The following SORCS3 variants were observed in gnomAD, a reference collection of about 807,000 sequenced individuals.
SORCS3 encodes sortilin related VPS10 domain containing receptor 3, also known as VPS10 domain-containing receptor SorCS3.
A neutral mutation model predicts 146.3 loss-of-function variants in SORCS3; 57 were observed. The ratio of observed to expected loss-of-function variants is 0.39; its 90% CI spans 0.31 to 0.49. The LOEUF (loss-of-function observed/expected upper bound fraction) is 0.49, where lower values mean the gene tolerates loss of function less well. SORCS3 is among the 20% of genes least tolerant of loss of function. The pLI, the probability that SORCS3 is intolerant of heterozygous loss-of-function variation, is 0.92. For missense variants in SORCS3, 1,341 were observed against 1,575.5 expected, an observed-to-expected ratio of 0.85 and a Z score of 2.52; for synonymous variants, 653 against 618.5, an observed-to-expected ratio of 1.06 and a Z score of -0.83.
intron 6 of SORCS3, among the ~76,000 whole-genome samples, chr10:105,094,883 T>A (rs897976958): frequency 6.6e-6 from 1 of 152,166 alleles, no homozygotes; most frequent in African/African-American, 2.4e-5. Flanking sequence ...TGGAAAAGAA[T>A]GAATGGAGAT....
In SORCS3 at chr10:105,145,568, G is replaced by T. The variant is rs79116763; in HGVS notation, c.1303-2049G>T. On this transcript the variant is annotated intron_variant, in intron 8 of 26. Coordinates refer to ENST00000369701, the MANE Select transcript of SORCS3 (RefSeq NM_014978.3). ...CATCTGGGAAAAACCAGGCATTTCTGTTGCATTTTAACAGGGTAAGTGAAT... is the reference window on the plus strand; with the variant it reads ...CATCTGGGAAAAACCAGGCATTTCTTTTGCATTTTAACAGGGTAAGTGAAT... Among the ~76,000 whole-genome samples, 29 of 152,192 alleles carry T rather than the reference G, an allele frequency of 1.9e-4. 1 individual carries two copies. The East Asian group carries it at 5.4e-3, about 28-fold the overall frequency.
At chr10:104,735,454 C>CTGTTTTTTTTTTTT in intron 1 of SORCS3, among the ~76,000 whole-genome samples, 1 of 14,872 alleles carries the variant, frequency 6.7e-5, no homozygotes, top group Admixed American at 5.8e-4. Flanking sequence ...CTCTCACCGT[C>CTGTTTTTTTTTTTT]TGTTTTTTTT....
chr10:105,095,106 C>T (rs1457071744), intron 6 of SORCS3, among the ~76,000 whole-genome samples: 2 of 152,112 alleles, frequency 1.3e-5, no homozygotes, highest in African/African-American at 4.8e-5. Context: ...GTTCTACCTG[C>T]CTCTTTTATC....
chr10:105,151,743 G>T (rs1277683656), intron 9 of SORCS3, among the ~76,000 whole-genome samples: 1 of 152,158 alleles, frequency 6.6e-6, no homozygotes, highest in Admixed American at 6.6e-5. Context: ...ACAAGGCTGA[G>T]ATAATTTCCA....
intron 5 of SORCS3, among the ~76,000 whole-genome samples, chr10:105,059,089 A>C (rs7094329): frequency 6.6e-6 from 1 of 152,150 alleles, no homozygotes; most frequent in Non-Finnish European, 1.5e-5. Flanking sequence ...GCCTTTGTAC[A>C]CTAGATTTTG....
At position 105,177,150 on chromosome 10, in the gene SORCS3, T is replaced by C. The variant is rs530828183; in HGVS notation, c.1902-916T>C. ...AAGGAGTCAGTAGTCAGCACTATGA[T>C]AGGAGAAGGCCTGGGTATTATAGGA... On this transcript the variant is annotated intron_variant, in intron 13 of 26. Transcript: ENST00000369701. 2.0e-5 allele frequency among the ~76,000 whole-genome samples: 3 copies of C among 152,226 alleles called. No individual in the cohort carries two copies. The East Asian group carries it at 5.8e-4, about 30-fold the overall frequency.
intron 1 of SORCS3, among the ~76,000 whole-genome samples, chr10:104,686,646 C>G (rs187458342): frequency 6.6e-6 from 1 of 152,198 alleles, no homozygotes; most frequent in Admixed American, 6.5e-5. Flanking sequence ...CTCCTTTGTT[C>G]TTTCTCCTTA....
rs2015983109 is a variant in SORCS3, at chr10:104,681,997, C to T, written c.627+40043C>T. Among the ~76,000 whole-genome samples the T allele has an allele frequency of 4.6e-5, 7 of 152,082 alleles. No individual in the cohort carries two copies. The South Asian group carries it at 1.5e-3, about 32-fold the overall frequency. The stretch of plus-strand genomic sequence containing the variant: ...AATGATTTATCTATTGATTGCCTGT[C>T]CTCTGGTGGGAATGCAGTCTCCATG... On this transcript the variant is annotated intron_variant, in intron 1 of 26. Transcript: ENST00000369701.
rs140031808 is a variant in SORCS3 at position 105,083,459 on chromosome 10, A to C, written c.1029-6316A>C. Among the ~76,000 whole-genome samples, 605 of 152,266 alleles carry C rather than the reference A, an allele frequency of 4.0e-3. 4 individuals carry two copies. The highest frequency in any genetic ancestry group is 0.024 in the Middle Eastern group (7 of 294). On this transcript the variant is annotated intron_variant, in intron 5 of 26. Transcript: ENST00000369701. Reference sequence around the variant, plus strand: ...GGATGCTTGAGAGGGAAGAGGTGCCAGGGGCAATTATTAACCTGCTTGGCA... The same window carrying C: ...GGATGCTTGAGAGGGAAGAGGTGCCCGGGGCAATTATTAACCTGCTTGGCA...
intron 14 of SORCS3, among the ~76,000 whole-genome samples, chr10:105,191,961 T>G (rs2056519740): frequency 6.6e-6 from 1 of 152,204 alleles, no homozygotes; most frequent in Admixed American, 6.5e-5. Flanking sequence ...TTCAAAGAGC[T>G]GATTATCATT....
chr10:104,876,756 T>C (rs1181541852), intron 2 of SORCS3, among the ~76,000 whole-genome samples: 13 of 139,668 alleles, frequency 9.3e-5, no homozygotes, highest in East Asian at 4.5e-4. Context: ...CCTTTCTTTC[T>C]TTCTCTTCCT....
intron 4 of SORCS3, among the ~76,000 whole-genome samples, chr10:105,002,857 G>A (rs927979627): frequency 3.3e-5 from 5 of 152,172 alleles, no homozygotes; most frequent in Non-Finnish European, 5.9e-5. Flanking sequence ...CTACAAAATA[G>A]GGAGCACAAT....
intron 20 of SORCS3, among the ~76,000 whole-genome samples, chr10:105,226,362 G>A (rs998347435): frequency 6.6e-6 from 1 of 151,848 alleles, no homozygotes; most frequent in African/African-American, 2.4e-5. Flanking sequence ...CACATTTATT[G>A]GCTTGTGTAT....
chr10:104,935,060 T>C (rs2019246865), intron 3 of SORCS3, among the ~76,000 whole-genome samples: 1 of 152,152 alleles, frequency 6.6e-6, no homozygotes, highest in South Asian at 2.1e-4. Flanking sequence ...TAGTAAATAA[T>C]AGCCCATGAC....
At chr10:104,768,024 G>C (rs1169849690) in intron 1 of SORCS3, among the ~76,000 whole-genome samples, 1 of 152,158 alleles carries the variant, frequency 6.6e-6, no homozygotes, top group East Asian at 1.9e-4. Context: ...ATTGGCACTT[G>C]AGTCAAATGT....
chr10:105,083,870 G>A (rs2055641289), intron 5 of SORCS3, among the ~76,000 whole-genome samples: 1 of 152,182 alleles, frequency 6.6e-6, no homozygotes, highest in Non-Finnish European at 1.5e-5. Flanking sequence ...GGGAGGCAAT[G>A]AGGCATGATG....
intron 2 of SORCS3, among the ~76,000 whole-genome samples, chr10:104,879,662 G>A (rs1486504405): frequency 6.6e-6 from 1 of 152,192 alleles, no homozygotes; most frequent in African/African-American, 2.4e-5. Context: ...GTGCAAGCCA[G>A]ACAAAGATGC....
At chr10:104,724,864 G>A (rs1427261146) in intron 1 of SORCS3, among the ~76,000 whole-genome samples, 3 of 152,102 alleles carry the variant, frequency 2.0e-5, no homozygotes, top group Admixed American at 2.0e-4. Flanking sequence ...GGTTATTCTA[G>A]TTAGCCATTC....
intron 1 of SORCS3, among the ~76,000 whole-genome samples, chr10:104,701,751 ATAT>A: frequency 6.6e-6 from 1 of 152,204 alleles, no homozygotes; most frequent in South Asian, 2.1e-4. Flanking sequence ...GCAAGAGTAG[ATAT>A]TATTGACAAG....
Sources: allele counts gnomAD v4.1 joint callset (sites outside exome capture counted in the v4.1 genomes callset), GRCh38; gene constraint gnomAD v4.1.1; transcripts MANE v1.5; gene names NCBI Gene and HGNC (gene_info 2026-07-23, HGNC 2026-07-21).